DNAH5: variants seen among roughly 807,000 people sequenced by gnomAD.
DNAH5 encodes axonemal beta dynein heavy chain 5.
In DNAH5, 372 loss-of-function variants were observed where a neutral mutation model predicts 518.2. The ratio of observed to expected loss-of-function variants is 0.72; its 90% CI spans 0.66 to 0.78. The LOEUF (loss-of-function observed/expected upper bound fraction) is 0.78, where lower values mean the gene tolerates loss of function less well. Ranked by LOEUF, DNAH5 falls within the 30% of genes least tolerant of loss-of-function variation. The probability of loss-of-function intolerance (pLI) is 0.00; values close to 1 mark genes in which losing one functional copy is unlikely to be tolerated. For synonymous variants in DNAH5, 2,039 were observed against 2,025.9 expected (o/e 1.01, Z -0.17); for missense variants, 5,523 against 5,687.0 (o/e 0.97, Z 0.93).
chr5:13,882,938 C>T lies in DNAH5; in HGVS notation c.3140G>A (p.Gly1047Glu), dbSNP rs766536260. 4 of 1,614,124 alleles carry T rather than the reference C, an allele frequency of 2.5e-6. No individual in the cohort carries two copies. Among genetic ancestry groups the T allele is most frequent in the Non-Finnish European group, 2.5e-6 (3 of 1,180,010 alleles). Residue 1047 changes from glycine to glutamate, a missense_variant, in exon 20 of 79, where the codon GGG becomes GAG. Transcript: ENST00000265104. ...AVECIISVPK[G>E]VRQWSSELLS... ...CAGTTCACTGCTCCACTGTCTGACC[C>T]CCTTAGGGACACTGATGATGCACTC...
intron 26 of DNAH5, 115 bp from the exon 27 acceptor site, chr5:13,866,021 G>A: frequency 2.2e-6 from 2 of 898,464 alleles, no homozygotes; most frequent in Admixed American, 2.1e-5. Context: ...CTGGGCACAT[G>A]TAAATAGGAA....
intron 1 of DNAH5, among the ~76,000 whole-genome samples, chr5:13,955,108 A>G (rs80106180): frequency 1.3e-5 from 2 of 152,114 alleles, no homozygotes; most frequent in Non-Finnish European, 2.9e-5. Context: ...TGACTGGCTC[A>G]TGGGATAATT....
intron 21 of DNAH5, among the ~76,000 whole-genome samples, chr5:13,881,388 T>C (rs1186048299): frequency 6.6e-6 from 1 of 152,068 alleles, no homozygotes; most frequent in Non-Finnish European, 1.5e-5. Context: ...GTAGATCATA[T>C]GTTAGACACA....
chr5:13,790,857 G>T (rs1756872165), intron 50 of DNAH5, among the ~76,000 whole-genome samples: 1 of 152,108 alleles, frequency 6.6e-6, no homozygotes, highest in African/African-American at 2.4e-5. Context: ...TTATAAGTGG[G>T]AGCTAAATGA....
Position 13,913,786 on chromosome 5 carries a change from T to G in DNAH5, c.1493A>C (p.Asp498Ala). Residue 498 changes from aspartate to alanine, a missense_variant, in exon 11 of 79, where the codon GAT (aspartate) becomes GCT (alanine). Coordinates refer to ENST00000265104, the MANE Select transcript of DNAH5 (RefSeq NM_001369.3). The stretch of plus-strand genomic sequence containing the variant: ...GTCTTCCAGCCCTTCAATTGTGGAA[T>G]CTTGCAGGACTGAATACGTCTTGAG... ...TTLKTYSVLQ[D>A]STIEGLEDMA... 6.2e-7 allele frequency: 1 copy of G among 1,613,620 alleles called. No homozygotes were observed. Among genetic ancestry groups the G allele is most frequent in the Non-Finnish European group, 8.5e-7 (1 of 1,179,554 alleles).
chr5:13,708,070 A>G (rs907361768), intron 76 of DNAH5, 53 bp downstream of exon 76: 1 of 1,581,062 alleles, frequency 6.3e-7, no homozygotes, highest in African/African-American at 1.3e-5. Flanking sequence ...TGCCAATTAC[A>G]ACTCTTCACA....
At position 13,920,603 on chromosome 5, in the gene DNAH5, C is replaced by T. The variant is rs754598993; in HGVS notation, c.675G>A (p.Lys225=). The stretch of plus-strand genomic sequence containing the variant: ...GGGTTTTCAGTTCAAGTATGTCACA[C>T]TTTCGAAGGTTCACCTAATTAGAAT... ...ESLKEKVNLR[K]CDILELKTLK... Residue 225 remains lysine, a synonymous_variant, in exon 6 of 79, where the codon AAG becomes AAA. Coordinates refer to ENST00000265104, the MANE Select transcript of DNAH5 (RefSeq NM_001369.3). 4 of 1,614,168 alleles carry T rather than the reference C, an allele frequency of 2.5e-6. No individual in the cohort carries two copies. Among genetic ancestry groups the T allele is most frequent in the South Asian group, 1.1e-5 (1 of 91,076 alleles).
intron 14 of DNAH5, chr5:13,900,619 A>G: frequency 1.7e-6 from 1 of 598,046 alleles, no homozygotes; most frequent in East Asian, 2.9e-5. Context: ...TTGGGCAGTC[A>G]ATTCAATAAA....
rs117523060 is a variant in DNAH5, at chr5:13,802,525, C to T, written c.7887+5066G>A. On this transcript the variant is annotated intron_variant, in intron 47 of 78. Transcript: ENST00000265104. ...TATGGAAACTAATCGGCTCCTCCTC[C>T]GGACTCCACAGTACAGCATTGAGAT... 8.9e-3 allele frequency among the ~76,000 whole-genome samples: 1,351 copies of T among 152,294 alleles called. 67 individuals are homozygous for T. The highest frequency in any genetic ancestry group is 0.075 in the Admixed American group (1,148 of 15,276).
At chr5:13,889,359 G>A (rs142176935) in intron 17 of DNAH5, among the ~76,000 whole-genome samples, 1 of 152,130 alleles carries the variant, frequency 6.6e-6, no homozygotes, top group Non-Finnish European at 1.5e-5. Context: ...TGAGGAGGAG[G>A]GACTAGAAAT....
chr5:13,977,971 T>C (rs767472428), intron 1 of DNAH5, among the ~76,000 whole-genome samples: 14 of 152,196 alleles, frequency 9.2e-5, no homozygotes, highest in Non-Finnish European at 1.5e-4. Flanking sequence ...GACTCAGGCC[T>C]GACTCCTGTG....
chr5:13,920,601 C>T lies in DNAH5; in HGVS notation c.677G>A (p.Cys226Tyr). 1.9e-6 allele frequency: 3 copies of T among 1,614,168 alleles called. No individual in the cohort carries two copies. Among genetic ancestry groups the T allele is most frequent in the Non-Finnish European group, 2.5e-6 (3 of 1,180,006 alleles). ...SLKEKVNLRK[C>Y]DILELKTLKE... ...TAGGGTTTTCAGTTCAAGTATGTCA[C>T]ACTTTCGAAGGTTCACCTAATTAGA... Residue 226 changes from cysteine (C) to tyrosine (Y), a missense_variant, in exon 6 of 79, where the codon TGT becomes TAT. Cys to Tyr is a radical substitution (Grantham distance 194, BLOSUM62 -2). Coordinates refer to ENST00000265104, the MANE Select transcript of DNAH5 (RefSeq NM_001369.3).
chr5:13,842,899 G>T (rs558133460), intron 32 of DNAH5, among the ~76,000 whole-genome samples: 90 of 152,304 alleles, frequency 5.9e-4, no homozygotes, highest in Non-Finnish European at 1.1e-3. Context: ...AAGGCTAAAA[G>T]TCTGTGGGCA....
Position 13,976,710 on chromosome 5 carries a change from T to TATATAC in DNAH5, c.12+34937_12+34938insGTATAT, listed in dbSNP as rs780402172. Among the ~76,000 whole-genome samples the TATATAC allele has an allele frequency of 7.6e-3, 1,010 of 133,020 alleles. 4 individuals are homozygous for TATATAC. The highest frequency in any genetic ancestry group is 0.047 in the East Asian group (197 of 4,216). 87.3% of individuals were successfully genotyped at this position (133,020 alleles called of 152,430 possible). On this transcript the variant is annotated intron_variant, in intron 1 of 78. Transcript: ENST00000681290. ...GTGTGTATATATATATATATATATATACACACACACACATACACACACACA... is the reference window on the plus strand; with the variant it reads ...GTGTGTATATATATATATATATATATATATACACACACACACACATACACACACACA...
chr5:13,722,576 C>T (rs958225477), intron 70 of DNAH5, among the ~76,000 whole-genome samples: 3 of 152,190 alleles, frequency 2.0e-5, no homozygotes, highest in Non-Finnish European at 2.9e-5. Context: ...CTGATTCCAC[C>T]TGGTGTGTGG....
rs190640438 is a variant in DNAH5, at chr5:13,782,795, A to G, written c.8821-1836T>C. Among the ~76,000 whole-genome samples, 103 of 152,336 alleles carry G rather than the reference A, an allele frequency of 6.8e-4. No homozygotes were observed. The Middle Eastern group carries it at 0.017, about 25-fold the overall frequency. ...CAAAGGAACAGATACATGAACAGAGAAGGCTTGCAAAGCAGACTCAAAACC... is the reference window on the plus strand; with the variant it reads ...CAAAGGAACAGATACATGAACAGAGGAGGCTTGCAAAGCAGACTCAAAACC... On this transcript the variant is annotated intron_variant, in intron 52 of 78. Coordinates refer to ENST00000265104, the MANE Select transcript of DNAH5 (RefSeq NM_001369.3).
In DNAH5 at chr5:13,922,173, C is replaced by T. The variant is rs769718109; in HGVS notation, c.594G>A (p.Glu198=). 5.0e-6 allele frequency: 8 copies of T among 1,614,120 alleles called. No homozygotes were observed. In the Admixed American group the frequency reaches 1.3e-4, roughly 27 times the overall value. The change falls in exon 5 of 79, where the codon GAG becomes GAA. Residue 198 remains glutamate (E), a synonymous_variant. Coordinates refer to ENST00000265104, the MANE Select transcript of DNAH5 (RefSeq NM_001369.3). Reference sequence around the variant, plus strand: ...CAAAGCCTTCCAGGGAGCTCAAGAACTCCTGGCGAATGTTAGCTGCGTCCT... The same window carrying T: ...CAAAGCCTTCCAGGGAGCTCAAGAATTCCTGGCGAATGTTAGCTGCGTCCT... ...GLQDAANIRQ[E]FLSSLEGFVN...
rs559571195 is a variant in DNAH5 at position 13,712,730 on chromosome 5, A to T, written c.13125+1675T>A. Among the ~76,000 whole-genome samples the T allele has an allele frequency of 1.1e-4, 16 of 152,346 alleles. No individual in the cohort carries two copies. The East Asian group carries it at 3.1e-3, about 29-fold the overall frequency. On this transcript the variant is annotated intron_variant, in intron 75 of 78. Coordinates refer to ENST00000265104, the MANE Select transcript of DNAH5 (RefSeq NM_001369.3). Reference sequence around the variant, plus strand: ...CAAGCATATGAAAAAAATGCTCAACATCACTAATGATCAGGGAAATGCAAA... The same window carrying T: ...CAAGCATATGAAAAAAATGCTCAACTTCACTAATGATCAGGGAAATGCAAA...
At chr5:13,831,265 A>G (rs1763642971) in intron 35 of DNAH5, among the ~76,000 whole-genome samples, 1 of 152,324 alleles carries the variant, frequency 6.6e-6, no homozygotes, top group South Asian at 2.1e-4. Context: ...AAATAATCAC[A>G]CCTTGAATCT....
Sources: gnomAD v4.1 joint callset for allele counts (sites outside exome capture counted in the v4.1 genomes callset) on GRCh38, gnomAD v4.1.1 for gene constraint, MANE v1.5 for transcripts, NCBI Gene and HGNC (gene_info 2026-07-23, HGNC 2026-07-21) for gene names.